The following SRGAP2B variants were observed in gnomAD, a reference collection of about 807,000 sequenced individuals.
The protein encoded by SRGAP2B is SLIT-ROBO Rho GTPase-activating protein 2B.
Under a neutral mutation model 22.2 loss-of-function variants are expected in SRGAP2B, and 9 were observed. That is an observed-to-expected ratio of 0.41 (90% CI 0.24 to 0.71). The LOEUF (loss-of-function observed/expected upper bound fraction) is 0.71. Among genes scored for constraint, SRGAP2B ranks in the 30% least tolerant of loss-of-function variants. The pLI, the probability that SRGAP2B is intolerant of heterozygous loss-of-function variation, is 0.35. For synonymous variants in SRGAP2B, 36 were observed against 87.4 expected (o/e 0.41, Z 3.28); for missense variants, 114 against 235.8 (o/e 0.48, Z 3.38).
intron 2 of SRGAP2B, among the ~76,000 whole-genome samples, chr1:145,021,608 A>ACACACC (rs1672801563): frequency 3.1e-5 from 4 of 128,150 alleles, no homozygotes; most frequent in Non-Finnish European, 6.4e-5. Flanking sequence ...GGCCGTAAAG[A>ACACACC]GTGATAGATG....
chr1:145,009,557 C>T (rs1553621884), intron 2 of SRGAP2B, among the ~76,000 whole-genome samples: 1 of 144,896 alleles, frequency 6.9e-6, no homozygotes, highest in Non-Finnish European at 1.5e-5. Flanking sequence ...CACTGCACTC[C>T]AGCCTGGGCG....
At chr1:144,926,662 G>C (rs1553346723) in intron 4 of SRGAP2B, among the ~76,000 whole-genome samples, 2 of 150,780 alleles carry the variant, frequency 1.3e-5, no homozygotes, top group South Asian at 2.1e-4. Flanking sequence ...TTCAAGACCA[G>C]GCTGGGCAAC....
intron 4 of SRGAP2B, among the ~76,000 whole-genome samples, chr1:144,929,532 T>C (rs1479729355): frequency 6.6e-6 from 1 of 150,962 alleles, no homozygotes; most frequent in East Asian, 1.9e-4. Flanking sequence ...ATATTAAACA[T>C]AGTTAATTTA....
At chr1:144,896,457 C>A (rs1352745061) in intron 8 of SRGAP2B, among the ~76,000 whole-genome samples, 29 of 139,074 alleles carry the variant, frequency 2.1e-4, no homozygotes, top group African/African-American at 7.7e-4. Flanking sequence ...CATGTTCATG[C>A]TCCCCTGTCT....
At chr1:145,023,242 C>A (rs1406403831) in intron 2 of SRGAP2B, among the ~76,000 whole-genome samples, 1 of 136,808 alleles carries the variant, frequency 7.3e-6, no homozygotes, top group Non-Finnish European at 1.6e-5. Context: ...AAGAATATCC[C>A]CTCCAGTCTC....
intron 3 of SRGAP2B, among the ~76,000 whole-genome samples, chr1:144,980,749 C>T (rs1483224998): frequency 2.0e-5 from 3 of 150,832 alleles, no homozygotes; most frequent in African/African-American, 7.4e-5. Context: ...CTAAATCTTT[C>T]GTTAACAGTG....
intron 4 of SRGAP2B, among the ~76,000 whole-genome samples, chr1:144,950,741 A>G (rs1450882488): frequency 6.7e-6 from 1 of 149,934 alleles, no homozygotes. Context: ...TTCTCTGTAC[A>G]ACATACTTAG....
chr1:144,996,146 T>C (rs1670660183), intron 2 of SRGAP2B, among the ~76,000 whole-genome samples: 2 of 151,308 alleles, frequency 1.3e-5, no homozygotes, highest in African/African-American at 4.9e-5. Context: ...AATGCAGCAC[T>C]GCATTTGTTA....
chr1:144,910,262 G>A (rs1362280959), intron 5 of SRGAP2B, among the ~76,000 whole-genome samples: 1 of 150,306 alleles, frequency 6.7e-6, no homozygotes, highest in East Asian at 1.9e-4. Context: ...CTTCATCCCT[G>A]TCCTCTGTGT....
intron 3 of SRGAP2B, among the ~76,000 whole-genome samples, chr1:144,970,472 G>T (rs1195938489): frequency 8.6e-6 from 1 of 116,018 alleles, no homozygotes; most frequent in Non-Finnish European, 1.7e-5. Context: ...ACAGGAAGGG[G>T]AATATCACAC....
At chr1:144,930,604 G>C (rs587687810) in intron 4 of SRGAP2B, among the ~76,000 whole-genome samples, 76 of 150,794 alleles carry the variant, frequency 5.0e-4, no homozygotes, top group Non-Finnish European at 9.9e-4. Context: ...CATCTAGTTC[G>C]TGAGACATGT....
intron 2 of SRGAP2B, among the ~76,000 whole-genome samples, chr1:145,045,335 A>C (rs1367236843): frequency 9.7e-5 from 14 of 144,974 alleles, no homozygotes; most frequent in Non-Finnish European, 1.9e-4. Context: ...AAGAGAAAGA[A>C]AGAGAGAGAG....
chr1:144,970,160 T>G (rs1250940910), intron 3 of SRGAP2B, among the ~76,000 whole-genome samples: 9 of 145,620 alleles, frequency 6.2e-5, no homozygotes, highest in South Asian at 2.2e-4. Flanking sequence ...TATACCCAAA[T>G]GACTATAAAT....
intron 1 of SRGAP2B, among the ~76,000 whole-genome samples, chr1:145,093,733 G>A (rs1553636574): frequency 2.0e-5 from 3 of 149,076 alleles, no homozygotes; most frequent in Admixed American, 2.0e-4. Flanking sequence ...GCGGCCTGCT[G>A]AGCCCCGCCA....
At chr1:145,076,220 C>T (rs1367129810) in intron 2 of SRGAP2B, among the ~76,000 whole-genome samples, 3 of 148,806 alleles carry the variant, frequency 2.0e-5, no homozygotes, top group Non-Finnish European at 4.5e-5. Context: ...TAGACAGGAT[C>T]TCCAAAATGT....
At chr1:145,007,791 C>T (rs1414084234) in intron 2 of SRGAP2B, among the ~76,000 whole-genome samples, 1 of 145,852 alleles carries the variant, frequency 6.9e-6, no homozygotes, top group African/African-American at 2.6e-5. Context: ...GCACTACATA[C>T]ATTTCTTCTT....
chr1:144,957,213 T>C (rs1230345607), intron 3 of SRGAP2B, among the ~76,000 whole-genome samples: 2 of 150,950 alleles, frequency 1.3e-5, no homozygotes, highest in African/African-American at 4.9e-5. Flanking sequence ...AGTAGCTTGG[T>C]TATTGAGTCA....
intron 3 of SRGAP2B, among the ~76,000 whole-genome samples, chr1:144,984,353 C>CAA (rs1558801935): frequency 7.9e-6 from 1 of 126,860 alleles, no homozygotes; most frequent in East Asian, 2.2e-4. Context: ...ACAACAACAA[C>CAA]AACAACAACA....
At chr1:144,889,260 AT>A (rs1368578092) in exon 10 of SRGAP2B, 2 of 147,724 alleles carry the variant, frequency 1.4e-5, no homozygotes, top group East Asian at 2.0e-4. Flanking sequence ...TGGCCTATTT[AT>A]TTTTTAATTT....
Sources: gnomAD v4.1 joint callset for allele counts (sites outside exome capture counted in the v4.1 genomes callset) on GRCh38, gnomAD v4.1.1 for gene constraint, MANE v1.5 for transcripts, NCBI Gene and HGNC (gene_info 2026-07-23, HGNC 2026-07-21) for gene names.